CDH13: variants seen among roughly 807,000 people sequenced by gnomAD.
The protein encoded by CDH13 is cadherin-13.
In CDH13, 24 loss-of-function variants were observed where a neutral mutation model predicts 63.8. The observed-to-expected ratio is 0.38, with a 90% CI of 0.27 to 0.53. CDH13 has a LOEUF of 0.53. Ranked by LOEUF, CDH13 falls within the 20% of genes least tolerant of loss-of-function variation. CDH13 has a pLI of 0.85. For missense variants in CDH13, 1,049 were observed against 903.1 expected, an observed-to-expected ratio of 1.16 and a Z score of -2.07; for synonymous variants, 503 against 355.3, an observed-to-expected ratio of 1.42 and a Z score of -4.67.
At chr16:83,669,799 C>G (rs913280990) in intron 8 of CDH13, among the ~76,000 whole-genome samples, 1 of 152,294 alleles carries the variant, frequency 6.6e-6, no homozygotes, top group African/African-American at 2.4e-5. Flanking sequence ...GATTCACTTT[C>G]CTACTAATTG....
chr16:83,318,071 A>G (rs1033594595), intron 5 of CDH13, among the ~76,000 whole-genome samples: 2 of 152,186 alleles, frequency 1.3e-5, no homozygotes, highest in Non-Finnish European at 2.9e-5. Context: ...AGTAGGGGTA[A>G]TAATGATACC....
intron 6 of CDH13, among the ~76,000 whole-genome samples, chr16:83,456,558 C>A (rs2073030308): frequency 6.6e-6 from 1 of 152,122 alleles, no homozygotes; most frequent in Admixed American, 6.5e-5. Context: ...ATACTTGAGC[C>A]ATTTTCAAGA....
intron 2 of CDH13, among the ~76,000 whole-genome samples, chr16:83,014,990 A>T (rs1475499984): frequency 2.7e-5 from 4 of 150,582 alleles, no homozygotes; most frequent in Non-Finnish European, 5.9e-5. Context: ...GAGAGCAGAT[A>T]GATCCATACT....
rs778227270 is a variant in CDH13 at position 83,048,113 on chromosome 16, G to C, written c.366+15895G>C. ...TTAAAATATAATCTGTGTCGTCCTG[G>C]AGAATGATTTCCGCATGCAGAAATC... On this transcript the variant is annotated intron_variant, in intron 3 of 13. Coordinates refer to ENST00000567109, the MANE Select transcript of CDH13 (RefSeq NM_001257.5). Among the ~76,000 whole-genome samples the C allele has an allele frequency of 3.9e-5, 6 of 152,194 alleles. 1 individual carries two copies. Among genetic ancestry groups the C allele is most frequent in the Non-Finnish European group, 8.8e-5 (6 of 68,032 alleles).
chr16:83,282,793 T>A (rs2089212303), intron 5 of CDH13, among the ~76,000 whole-genome samples: 1 of 152,242 alleles, frequency 6.6e-6, no homozygotes, highest in Non-Finnish European at 1.5e-5. Flanking sequence ...TGCTTCCTCA[T>A]TCAGGGCTGC....
intron 1 of CDH13, among the ~76,000 whole-genome samples, chr16:82,652,889 G>T (rs560564648): frequency 6.6e-6 from 1 of 152,306 alleles, no homozygotes; most frequent in South Asian, 2.1e-4. Flanking sequence ...AATCAAAACT[G>T]TTGCTCAAAC....
intron 8 of CDH13, among the ~76,000 whole-genome samples, chr16:83,664,388 G>A (rs1186479025): frequency 6.6e-6 from 1 of 152,110 alleles, no homozygotes; most frequent in South Asian, 2.1e-4. Flanking sequence ...GAGTGGCTCT[G>A]TTATTAATCT....
At chr16:82,814,006 G>A (rs1027825884) in intron 1 of CDH13, among the ~76,000 whole-genome samples, 2 of 152,010 alleles carry the variant, frequency 1.3e-5, no homozygotes, top group Admixed American at 1.3e-4. Flanking sequence ...TTCAAATACC[G>A]GCTGCTGTGC....
intron 8 of CDH13, among the ~76,000 whole-genome samples, chr16:83,621,528 C>G (rs1315752772): frequency 2.6e-5 from 3 of 116,260 alleles, no homozygotes; most frequent in Non-Finnish European, 5.0e-5. Flanking sequence ...ACTCTGTCAC[C>G]CAGGCTGGAG....
intron 7 of CDH13, among the ~76,000 whole-genome samples, chr16:83,522,426 T>G (rs555661792): frequency 2.0e-5 from 3 of 152,326 alleles, no homozygotes; most frequent in Admixed American, 1.3e-4. Context: ...CAGCGCAATA[T>G]GCAACCGTGG....
chr16:82,641,316 T>C (rs1481580266), intron 1 of CDH13, among the ~76,000 whole-genome samples: 1 of 152,026 alleles, frequency 6.6e-6, no homozygotes, highest in Non-Finnish European at 1.5e-5. Flanking sequence ...GCAGAAAAAA[T>C]GGAAAGGTAT....
intron 2 of CDH13, among the ~76,000 whole-genome samples, chr16:82,988,493 G>C (rs893904309): frequency 1.3e-5 from 2 of 152,250 alleles, no homozygotes; most frequent in East Asian, 3.9e-4. Flanking sequence ...CAGGCACAGT[G>C]GCTCACACAT....
chr16:83,028,655 A>T (rs141484532), intron 2 of CDH13, among the ~76,000 whole-genome samples: 1 of 152,354 alleles, frequency 6.6e-6, no homozygotes, highest in African/African-American at 2.4e-5. Flanking sequence ...TAATTTACAA[A>T]TTGGGCACAG....
intron 1 of CDH13, among the ~76,000 whole-genome samples, chr16:82,722,665 C>T (rs2151023815): frequency 6.6e-6 from 1 of 152,212 alleles, no homozygotes; most frequent in South Asian, 2.1e-4. Context: ...TGAGAGATGG[C>T]AGGTAGACAG....
intron 6 of CDH13, among the ~76,000 whole-genome samples, chr16:83,432,013 C>G (rs1021501370): frequency 6.6e-6 from 1 of 152,076 alleles, no homozygotes; most frequent in Non-Finnish European, 1.5e-5. Context: ...GAGGGATAGA[C>G]TGGAGAAGGA....
intron 8 of CDH13, among the ~76,000 whole-genome samples, chr16:83,655,526 C>T (rs1912792061): frequency 1.3e-5 from 2 of 152,176 alleles, no homozygotes; most frequent in African/African-American, 4.8e-5. Context: ...AGTCCTGCAG[C>T]TTGAGCAACT....
At chr16:83,388,284 A>G (rs1407509030) in intron 6 of CDH13, among the ~76,000 whole-genome samples, 4 of 120,428 alleles carry the variant, frequency 3.3e-5, no homozygotes, top group East Asian at 2.2e-4. Flanking sequence ...CTCTCTCTGG[A>G]AAAAAAAAAA....
intron 6 of CDH13, among the ~76,000 whole-genome samples, chr16:83,393,873 G>C (rs2091835237): frequency 6.6e-6 from 1 of 152,152 alleles, no homozygotes; most frequent in African/African-American, 2.4e-5. Flanking sequence ...GAGAACTGTA[G>C]AGAGAAGCAA....
At chr16:82,933,476 G>A (rs189554285) in intron 2 of CDH13, among the ~76,000 whole-genome samples, 1 of 152,224 alleles carries the variant, frequency 6.6e-6, no homozygotes, top group East Asian at 1.9e-4. Context: ...AGATTTGGGT[G>A]GGGACACAGA....
Sources: allele counts gnomAD v4.1 joint callset (sites outside exome capture counted in the v4.1 genomes callset), GRCh38; gene constraint gnomAD v4.1.1; transcripts MANE v1.5; gene names NCBI Gene and HGNC (gene_info 2026-07-23, HGNC 2026-07-21).